The following SLC11A2 variants were observed in gnomAD, a reference collection of about 807,000 sequenced individuals.
SLC11A2 encodes the protein natural resistance-associated macrophage protein 2.
In SLC11A2, 38 loss-of-function variants were observed where a neutral mutation model predicts 68.0. That is an observed-to-expected ratio of 0.56 (90% CI 0.43 to 0.73). The LOEUF (loss-of-function observed/expected upper bound fraction) is 0.73, where lower values mean the gene tolerates loss of function less well. SLC11A2 is among the 30% of genes least tolerant of loss of function. The pLI, the probability that SLC11A2 is intolerant of heterozygous loss-of-function variation, is 0.00. For synonymous variants in SLC11A2, 242 were observed against 250.6 expected (o/e 0.97, Z 0.32); for missense variants, 517 against 690.5 (o/e 0.75, Z 2.82).
In SLC11A2 at chr12:50,999,363, G is replaced by C. The variant is rs1379350586; in HGVS notation, c.589C>G (p.Leu197Val). Reference sequence around the variant, plus strand: ...TCCTTACCATATTTGTCCAAGAAGAGAAATACAAAAGTATCTGCAATGGTG... The same window carrying C: ...TCCTTACCATATTTGTCCAAGAAGACAAATACAAAAGTATCTGCAATGGTG... ...LITIADTFVF[L>V]FLDKYGLRKL... The change falls in exon 7 of 16, where the codon CTC (leucine) becomes GTC (valine). Residue 197 changes from leucine (L) to valine (V), a missense_variant. Transcript: ENST00000262052. 3 of 1,613,900 alleles carry C rather than the reference G, an allele frequency of 1.9e-6. No homozygotes were observed.
chr12:50,982,506 A>T (rs1041379814), downstream of SLC11A2, among the ~76,000 whole-genome samples: 1 of 152,222 alleles, frequency 6.6e-6, no homozygotes, highest in African/African-American at 2.4e-5. Flanking sequence ...ACACACCTGT[A>T]ATCCCAGCTA....
chr12:51,025,558 C>G (rs1377763725), intron 1 of SLC11A2: 1 of 172,560 alleles, frequency 5.8e-6, no homozygotes, highest in Non-Finnish European at 1.2e-5. Context: ...TCTCCCCTTG[C>G]AAACTCTCCT....
At chr12:50,979,846 T>C (rs995210637), downstream of SLC11A2, 1 of 454,124 alleles carries the variant, frequency 2.2e-6, no homozygotes, top group Non-Finnish European at 4.4e-6. Context: ...AGAGGTCATA[T>C]ATTTAATGCT....
chr12:51,002,226 T>C (rs1942310645), intron 5 of SLC11A2, among the ~76,000 whole-genome samples: 1 of 152,098 alleles, frequency 6.6e-6, no homozygotes, highest in African/African-American at 2.4e-5. Context: ...TGCACACCTG[T>C]GGTCCCAACT....
At position 50,986,004 on chromosome 12, in the gene SLC11A2, A is replaced by AT. The variant is rs141968385; in HGVS notation, c.*2320dup. 182 of 1,155,380 alleles carry AT rather than the reference A, an allele frequency of 1.6e-4. 1 individual carries two copies. Among genetic ancestry groups the AT allele is most frequent in the Middle Eastern group, 7.9e-4 (2 of 2,544 alleles). 71.6% of individuals were successfully genotyped at this position (1,155,380 alleles called of 1,614,324 possible). On this transcript the variant is annotated 3_prime_UTR_variant, in exon 16 of 16. Coordinates refer to ENST00000262052, the MANE Select transcript of SLC11A2 (RefSeq NM_000617.3). ...CCAGGAAACCAAATTGGAAAAAGAAATTTTTTTTTAATTAGAAACCAAGTT... is the reference window on the plus strand; with the variant it reads ...CCAGGAAACCAAATTGGAAAAAGAAATTTTTTTTTTAATTAGAAACCAAGTT...
chr12:50,988,397 C>A lies in SLC11A2; in HGVS notation c.1614G>T (p.Leu538=). ...AGATGCTTACCGTATGCCCACAGTCCAGGAAGGACATGCCCAGTGCAATCA... is the reference window on the plus strand; with the variant it reads ...AGATGCTTACCGTATGCCCACAGTCAAGGAAGGACATGCCCAGTGCAATCA... The part of the protein sequence containing the change: ...QCLIALGMSF[L]DCGHTVSISK... The change falls in exon 16 of 16, where the codon CTG becomes CTT. Residue 538 remains leucine (L), a synonymous_variant. Transcript: ENST00000262052. The A allele has an allele frequency of 1.2e-6, 2 of 1,614,022 alleles. No individual in the cohort carries two copies. The highest frequency in any genetic ancestry group is 1.7e-6 in the Non-Finnish European group (2 of 1,179,932).
At chr12:51,002,499 T>C (rs1422520085) in intron 5 of SLC11A2, among the ~76,000 whole-genome samples, 2 of 148,728 alleles carry the variant, frequency 1.3e-5, no homozygotes, top group Non-Finnish European at 3.0e-5. Flanking sequence ...ATTAGCTGGG[T>C]GTGGTGGTGC....
downstream of SLC11A2, among the ~76,000 whole-genome samples, chr12:50,977,808 AC>A (rs1359656097): frequency 1.3e-5 from 2 of 152,184 alleles, no homozygotes; most frequent in Non-Finnish European, 2.9e-5. Flanking sequence ...AAGAAAAAAA[AC>A]AACCCCATCA....
At position 50,986,532 on chromosome 12, in the gene SLC11A2, C is replaced by A. The variant is rs1940572868; in HGVS notation, c.*1793G>T. 1 of 1,282,650 alleles carries A rather than the reference C, an allele frequency of 7.8e-7. No homozygotes were observed. The allele number at this position is 1,282,650 out of a possible 1,614,324, so 79.5% of individuals were successfully genotyped here. Reference sequence around the variant, plus strand: ...GAGACTGACTGGACCCACCCAGACCCAGGGCAAAGATACATGTTACCATAT... The same window carrying A: ...GAGACTGACTGGACCCACCCAGACCAAGGGCAAAGATACATGTTACCATAT... On this transcript the variant is annotated 3_prime_UTR_variant, in exon 16 of 16. Transcript: ENST00000262052.
chr12:51,008,325 G>GTGTA (rs1491111874), intron 3 of SLC11A2, 151 bp downstream of exon 3: 20 of 530,712 alleles, frequency 3.8e-5, no homozygotes, highest in Non-Finnish European at 5.1e-5. Flanking sequence ...GTGTGTGTGT[G>GTGTA]TATATATATA....
intron 15 of SLC11A2, among the ~76,000 whole-genome samples, chr12:50,990,008 T>G (rs1940984550): frequency 6.6e-6 from 1 of 152,166 alleles, no homozygotes; most frequent in Non-Finnish European, 1.5e-5. Context: ...CTAAAGAAGA[T>G]TTGGAAAATA....
intron 3 of SLC11A2, chr12:51,008,129 C>T (rs1223824525): frequency 1.0e-5 from 2 of 195,068 alleles, no homozygotes; most frequent in Admixed American, 1.1e-4. Context: ...CACTTGACCC[C>T]AGGAATTCAA....
chr12:50,957,595 A>G, the SLC11A2 span, among the ~76,000 whole-genome samples: 1 of 151,968 alleles, frequency 6.6e-6, no homozygotes, highest in East Asian at 1.9e-4. Context: ...AACTAAAAAC[A>G]TAATACCAAC....
downstream of SLC11A2, chr12:50,979,768 G>A (rs943968056): frequency 1.8e-5 from 8 of 438,096 alleles, no homozygotes; most frequent in East Asian, 7.1e-5. Context: ...GATTATAAAC[G>A]AACATAGGCA....
chr12:50,971,705 A>T, the SLC11A2 span, among the ~76,000 whole-genome samples: 1 of 151,904 alleles, frequency 6.6e-6, no homozygotes, highest in Non-Finnish European at 1.5e-5. Context: ...AGAGAAAAAA[A>T]TAGTCACTGA....
At chr12:50,972,453 G>A in the SLC11A2 span, among the ~76,000 whole-genome samples, 3 of 152,220 alleles carry the variant, frequency 2.0e-5, no homozygotes, top group Non-Finnish European at 4.4e-5. Flanking sequence ...CACTTAGAAG[G>A]AAAGTGGTCA....
chr12:50,954,325 TA>T, the SLC11A2 span: 1 of 414,722 alleles, frequency 2.4e-6, no homozygotes, highest in South Asian at 5.1e-5. Flanking sequence ...TCCATTTCAT[TA>T]GAAGTCTACC....
rs774980110 is a variant in SLC11A2, at chr12:50,987,353, G to C, written c.*972C>G. On this transcript the variant is annotated 3_prime_UTR_variant, in exon 16 of 16. Coordinates refer to ENST00000262052, the MANE Select transcript of SLC11A2 (RefSeq NM_000617.3). The stretch of plus-strand genomic sequence containing the variant: ...AGTCATCTTGGGCATGAAGCAGAGC[G>C]GTGCATCAGAAAAACATGACGATTC... 1 of 1,287,160 alleles carries C rather than the reference G, an allele frequency of 7.8e-7. No homozygotes were observed. Among genetic ancestry groups the C allele is most frequent in the South Asian group, 1.2e-5 (1 of 80,932 alleles). 79.7% of individuals were successfully genotyped at this position (1,287,160 alleles called of 1,614,324 possible). A position where few individuals can be genotyped will look rare whatever the true frequency, so the allele number is the denominator to read the frequency against.
At chr12:51,025,172 T>C (rs1039096336) in intron 1 of SLC11A2, among the ~76,000 whole-genome samples, 2 of 152,148 alleles carry the variant, frequency 1.3e-5, no homozygotes, top group African/African-American at 2.4e-5. Flanking sequence ...ATGGAAAGTA[T>C]AGGCCGGCGG....
Sources: gnomAD v4.1 joint callset for allele counts (sites outside exome capture counted in the v4.1 genomes callset) on GRCh38, gnomAD v4.1.1 for gene constraint, MANE v1.5 for transcripts, NCBI Gene and HGNC (gene_info 2026-07-23, HGNC 2026-07-21) for gene names.